CCDC148: variants seen among roughly 807,000 people sequenced by gnomAD.
CCDC148 encodes the protein coiled-coil domain-containing protein 148.
A neutral mutation model predicts 85.7 loss-of-function variants in CCDC148; 89 were observed. The ratio of observed to expected loss-of-function variants is 1.04; its 90% CI spans 0.87 to 1.24. The LOEUF (loss-of-function observed/expected upper bound fraction) is 1.24. Among genes scored for constraint, CCDC148 ranks in the 50% most tolerant of loss-of-function variants. CCDC148 has a pLI of 0.00. For missense variants in CCDC148, 692 were observed against 671.7 expected, an observed-to-expected ratio of 1.03 and a Z score of -0.33; for synonymous variants, 230 against 213.9, an observed-to-expected ratio of 1.08 and a Z score of -0.66.
intron 10 of CCDC148, among the ~76,000 whole-genome samples, chr2:158,222,494 C>T (rs920154482): frequency 6.6e-6 from 1 of 151,830 alleles, no homozygotes; most frequent in African/African-American, 2.4e-5. Context: ...CTCTCTAATC[C>T]TTTTCAGTGC....
intron 1 of CCDC148, among the ~76,000 whole-genome samples, chr2:158,444,869 T>C (rs1027459728): frequency 1.3e-5 from 2 of 151,016 alleles, no homozygotes; most frequent in African/African-American, 4.9e-5. Context: ...TTAGAAATTA[T>C]GTTAGTTAAT....
intron 11 of CCDC148, among the ~76,000 whole-genome samples, chr2:158,179,269 C>T (rs545771275): frequency 7.0e-6 from 1 of 142,584 alleles, no homozygotes; most frequent in South Asian, 2.3e-4. Flanking sequence ...AGCAATTCTC[C>T]TGTCTCAGCC....
intron 9 of CCDC148, among the ~76,000 whole-genome samples, chr2:158,295,464 G>A (rs1467677207): frequency 2.0e-5 from 3 of 151,576 alleles, no homozygotes; most frequent in East Asian, 1.9e-4. Context: ...ACACTGACGC[G>A]AAAATCCTCA....
intron 1 of CCDC148, 143 bp downstream of exon 1, chr2:158,456,272 A>T: frequency 1.2e-6 from 1 of 809,616 alleles, no homozygotes; most frequent in East Asian, 2.7e-5. Flanking sequence ...CAGAAGAGTT[A>T]TGAGTTTGAG....
intron 1 of CCDC148, among the ~76,000 whole-genome samples, chr2:158,453,949 A>G (rs1688503930): frequency 6.6e-6 from 1 of 152,108 alleles, no homozygotes; most frequent in Non-Finnish European, 1.5e-5. Context: ...TGGCCAGGCT[A>G]GCAGTTTAAA....
At chr2:158,354,696 G>A (rs1419505024) in intron 2 of CCDC148, among the ~76,000 whole-genome samples, 2 of 151,910 alleles carry the variant, frequency 1.3e-5, no homozygotes, top group Non-Finnish European at 2.9e-5. Flanking sequence ...CCAATCAATA[G>A]AGAAAGAGGG....
rs1684548856 is a variant in CCDC148 at position 158,175,772 on chromosome 2, T to C, written c.1629+749A>G. Among the ~76,000 whole-genome samples the C allele has an allele frequency of 1.3e-5, 2 of 152,122 alleles. 1 individual carries two copies. Among genetic ancestry groups the C allele is most frequent in the South Asian group, 4.1e-4 (2 of 4,834 alleles). On this transcript the variant is annotated intron_variant, in intron 13 of 13. Coordinates refer to ENST00000283233, the MANE Select transcript of CCDC148 (RefSeq NM_138803.4). ...GATGAATGGATGGTTTCCTGGTTTT[T>C]AAATAATTAAATAATTATTTAGCTT...
intron 10 of CCDC148, among the ~76,000 whole-genome samples, chr2:158,242,732 C>T (rs757797791): frequency 1.0e-4 from 15 of 150,602 alleles, no homozygotes; most frequent in Non-Finnish European, 2.1e-4. Context: ...TATCTAGGAA[C>T]TTCTTGGCTC....
chr2:158,254,215 C>T (rs1461206812), intron 9 of CCDC148, among the ~76,000 whole-genome samples: 1 of 151,564 alleles, frequency 6.6e-6, no homozygotes, highest in African/African-American at 2.4e-5. Flanking sequence ...TATTTCAATA[C>T]TGATTAGTTA....
intron 1 of CCDC148, among the ~76,000 whole-genome samples, chr2:158,386,222 T>C (rs1685081995): frequency 6.6e-6 from 1 of 152,072 alleles, no homozygotes; most frequent in African/African-American, 2.4e-5. Context: ...ATTTTTCAGG[T>C]GAAAAAACTG....
Position 158,329,637 on chromosome 2 carries a change from C to G in CCDC148, c.764+9089G>C, listed in dbSNP as rs1355779992. ...TTTCACGATATTGATTCTTCCTACC[C>G]AAGAGCATGGAATGTTCTTCCATTT... On this transcript the variant is annotated intron_variant, in intron 7 of 13. Transcript: ENST00000283233. 6.6e-5 allele frequency among the ~76,000 whole-genome samples: 10 copies of G among 152,182 alleles called. No homozygotes were observed. The South Asian group carries it at 2.1e-3, about 32-fold the overall frequency.
chr2:158,201,077 C>A (rs1002789892), intron 11 of CCDC148, among the ~76,000 whole-genome samples: 6 of 143,882 alleles, frequency 4.2e-5, no homozygotes, highest in Non-Finnish European at 4.6e-5. Context: ...TAGGTAGGCT[C>A]ATTGCCACTG....
intron 7 of CCDC148, among the ~76,000 whole-genome samples, chr2:158,314,459 TAACC>T (rs1471527496): frequency 1.3e-5 from 2 of 152,174 alleles, no homozygotes; most frequent in African/African-American, 4.8e-5. Context: ...AGTGAAAAGA[TAACC>T]AACGGCATTA....
At chr2:158,230,035 C>T (rs1687774069) in intron 10 of CCDC148, among the ~76,000 whole-genome samples, 1 of 152,178 alleles carries the variant, frequency 6.6e-6, no homozygotes, top group South Asian at 2.1e-4. Flanking sequence ...ATCAAATATC[C>T]TTTCCAATCA....
intron 8 of CCDC148, among the ~76,000 whole-genome samples, chr2:158,311,552 T>C (rs747970484): frequency 2.0e-5 from 3 of 152,132 alleles, no homozygotes; most frequent in Non-Finnish European, 2.9e-5. Context: ...GAGGGAGAGC[T>C]AAAACCACTT....
intron 1 of CCDC148, among the ~76,000 whole-genome samples, chr2:158,445,075 A>G (rs1688106510): frequency 6.6e-6 from 1 of 152,088 alleles, no homozygotes; most frequent in Admixed American, 6.5e-5. Context: ...ACTTTTTTTA[A>G]GTTTAAAGGT....
At chr2:158,330,266 C>G (rs983379017) in intron 7 of CCDC148, among the ~76,000 whole-genome samples, 2 of 152,134 alleles carry the variant, frequency 1.3e-5, no homozygotes, top group Non-Finnish European at 2.9e-5. Flanking sequence ...TTGAGATAAT[C>G]ATATGGTTTT....
chr2:158,305,199 T>G (rs1285554594), intron 9 of CCDC148, among the ~76,000 whole-genome samples: 1 of 152,148 alleles, frequency 6.6e-6, no homozygotes, highest in Non-Finnish European at 1.5e-5. Flanking sequence ...CCATCACAAC[T>G]GGGAGAAGGA....
At chr2:158,418,671 C>CAA (rs1686622994) in intron 1 of CCDC148, among the ~76,000 whole-genome samples, 3 of 148,796 alleles carry the variant, frequency 2.0e-5, no homozygotes, top group Non-Finnish European at 4.5e-5. Context: ...GTTTTTTTTT[C>CAA]AGAACACTCT....
Sources: allele counts gnomAD v4.1 joint callset (sites outside exome capture counted in the v4.1 genomes callset), GRCh38; gene constraint gnomAD v4.1.1; transcripts MANE v1.5; gene names NCBI Gene and HGNC (gene_info 2026-07-23, HGNC 2026-07-21).